FGF13: variants seen among roughly 807,000 people sequenced by gnomAD.
The protein encoded by FGF13 is fibroblast growth factor 13.
FGF13 carries 2 observed loss-of-function variants against 19.5 expected under a neutral mutation model. The ratio of observed to expected loss-of-function variants is 0.10; its 90% CI spans 0.04 to 0.32. The LOEUF is 0.32. Ranked by LOEUF, FGF13 falls within the 10% of genes least tolerant of loss-of-function variation. The pLI is 1.00. For missense variants in FGF13, 113 were observed against 192.7 expected (o/e 0.59, Z 2.45); for synonymous variants, 72 against 76.9 (o/e 0.94, Z 0.33).
At chrX:139,017,587 A>G (rs1054786339) in intron 1 of FGF13, among the ~76,000 whole-genome samples, 1 of 110,900 alleles carries the variant, frequency 9.0e-6, no homozygotes, top group East Asian at 2.9e-4. Context: ...TGAAGTGGGA[A>G]AAGATGGCAC....
intron 3 of FGF13, among the ~76,000 whole-genome samples, chrX:138,774,372 T>C (rs1024710311): frequency 2.8e-4 from 31 of 111,688 alleles, no homozygotes; most frequent in African/African-American, 9.1e-4. Context: ...CCAAGTACTT[T>C]GGAACTCACT....
intron 1 of FGF13, among the ~76,000 whole-genome samples, chrX:139,039,911 C>T (rs764246038): frequency 1.1e-4 from 12 of 111,575 alleles, no homozygotes; most frequent in African/African-American, 2.6e-4. Context: ...AAATATGAGA[C>T]GTGTCAGAAG....
intron 1 of FGF13, among the ~76,000 whole-genome samples, chrX:138,907,339 C>A (rs1395322067): frequency 8.9e-6 from 1 of 111,757 alleles, no homozygotes; most frequent in Non-Finnish European, 1.9e-5. Flanking sequence ...TCTGCTAGCT[C>A]CCCCTCCCCT....
At chrX:139,020,943 A>C (rs2092175421) in intron 1 of FGF13, among the ~76,000 whole-genome samples, 1 of 111,222 alleles carries the variant, frequency 9.0e-6, no homozygotes, top group Non-Finnish European at 1.9e-5. Context: ...AACCTCAACC[A>C]GAAAAAAAAT....
intron 3 of FGF13, among the ~76,000 whole-genome samples, chrX:138,772,102 C>T (rs1184317681): frequency 2.2e-5 from 2 of 92,382 alleles, no homozygotes; most frequent in Non-Finnish European, 4.3e-5. Context: ...TATCCATCAC[C>T]ATGTCGTATA....
At chrX:138,796,416 G>C (rs1345917614) in intron 3 of FGF13, among the ~76,000 whole-genome samples, 1 of 111,563 alleles carries the variant, frequency 9.0e-6, no homozygotes, top group Non-Finnish European at 1.9e-5. Context: ...TTTTTTTATG[G>C]CTTCATAGTA....
At chrX:138,979,652 G>A (rs752159144) in intron 1 of FGF13, among the ~76,000 whole-genome samples, 1 of 110,618 alleles carries the variant, frequency 9.0e-6, no homozygotes, top group East Asian at 2.9e-4. Context: ...AGATCCTCTG[G>A]GGTACCAAAC....
intron 2 of FGF13, among the ~76,000 whole-genome samples, chrX:138,858,525 T>C (rs2091270917): frequency 8.9e-6 from 1 of 111,906 alleles, no homozygotes. Flanking sequence ...GGTGCAAATT[T>C]GATCTGCATT....
chrX:138,940,927 A>G (rs1450770967), intron 1 of FGF13, among the ~76,000 whole-genome samples: 1 of 111,433 alleles, frequency 9.0e-6, no homozygotes, highest in African/African-American at 3.3e-5. Context: ...TTGATTTCCT[A>G]TGAATTTTAA....
At chrX:139,057,979 G>A (rs1365879967) in intron 1 of FGF13, among the ~76,000 whole-genome samples, 2 of 111,583 alleles carry the variant, frequency 1.8e-5, no homozygotes, top group Admixed American at 9.5e-5. Flanking sequence ...TCTCCAATTC[G>A]TGAAGATTTG....
chrX:139,104,830 C>T (rs1161227233), intron 1 of FGF13, among the ~76,000 whole-genome samples: 1 of 110,692 alleles, frequency 9.0e-6, no homozygotes, highest in Non-Finnish European at 1.9e-5. Flanking sequence ...GACTCAATCA[C>T]CTCCCAAATG....
At chrX:139,027,171 G>A (rs1347086795) in intron 1 of FGF13, among the ~76,000 whole-genome samples, 1 of 112,048 alleles carries the variant, frequency 8.9e-6, no homozygotes, top group Non-Finnish European at 1.9e-5. Flanking sequence ...GCATTTGATT[G>A]TATTGAGAAA....
chrX:139,059,727 G>A (rs2092331048), intron 1 of FGF13, among the ~76,000 whole-genome samples: 1 of 112,505 alleles, frequency 8.9e-6, no homozygotes, highest in Admixed American at 9.4e-5. Context: ...GTATATGGAT[G>A]TGATTAGCTA....
intron 1 of FGF13, among the ~76,000 whole-genome samples, chrX:138,871,650 C>T (rs1181691522): frequency 8.9e-6 from 1 of 111,989 alleles, no homozygotes; most frequent in Non-Finnish European, 1.9e-5. Flanking sequence ...AAGACATTGG[C>T]GCAGAGGCTG....
At chrX:139,186,572 C>T (rs918690062) in intron 1 of FGF13, among the ~76,000 whole-genome samples, 2 of 111,693 alleles carry the variant, frequency 1.8e-5, no homozygotes, top group African/African-American at 6.5e-5. Flanking sequence ...CTTTCCAATG[C>T]ATTTGAAATG....
intron 1 of FGF13, among the ~76,000 whole-genome samples, chrX:138,878,143 T>C (rs2091401447): frequency 1.0e-5 from 1 of 99,465 alleles, no homozygotes; most frequent in East Asian, 2.9e-4. Flanking sequence ...GGTATCTCAT[T>C]TTTTTTTTAA....
chrX:138,676,577 G>A (rs17538913), intron 3 of FGF13, among the ~76,000 whole-genome samples: 1,656 of 111,573 alleles, frequency 0.015, 32 homozygotes, highest in African/African-American at 0.051. Flanking sequence ...TGGCACCAGG[G>A]ACTGATTTCA....
chrX:139,144,792 G>A (rs5976282), intron 1 of FGF13, among the ~76,000 whole-genome samples: 6,818 of 110,052 alleles, frequency 0.062, 414 homozygotes, highest in African/African-American at 0.18. Context: ...TTTCTTGGGG[G>A]AAAAAAACAG....
At chrX:138,961,621 C>CA (rs1479779831) in intron 1 of FGF13, among the ~76,000 whole-genome samples, 1 of 111,931 alleles carries the variant, frequency 8.9e-6, no homozygotes, top group Non-Finnish European at 1.9e-5. Flanking sequence ...AGCAAAACAG[C>CA]ATGGTACTGG....
Sources: allele counts gnomAD v4.1 joint callset (sites outside exome capture counted in the v4.1 genomes callset), GRCh38; gene constraint gnomAD v4.1.1; transcripts MANE v1.5; gene names NCBI Gene and HGNC (gene_info 2026-07-23, HGNC 2026-07-21).